CNTN3: variants seen among roughly 807,000 people sequenced by gnomAD.
The protein encoded by CNTN3 is contactin 3.
In CNTN3, 60 loss-of-function variants were observed where a neutral mutation model predicts 119.1. The ratio of observed to expected loss-of-function variants is 0.50; its 90% CI spans 0.41 to 0.62. CNTN3 has a LOEUF of 0.62. CNTN3 is among the 20% of genes least tolerant of loss of function. The pLI is 0.00. For synonymous variants in CNTN3, 450 were observed against 438.7 expected (o/e 1.03, Z -0.32); for missense variants, 1,101 against 1,242.4 (o/e 0.89, Z 1.71).
intron 22 of CNTN3, 104 bp downstream of exon 22, chr3:74,266,377 G>A (rs1701659896): frequency 3.3e-6 from 4 of 1,205,456 alleles, no homozygotes; most frequent in Non-Finnish European, 3.5e-6. Flanking sequence ...TTGGATGTAA[G>A]CCTTGCTGGA....
At chr3:74,480,292 T>A (rs1478979594) in intron 4 of CNTN3, among the ~76,000 whole-genome samples, 1 of 152,146 alleles carries the variant, frequency 6.6e-6, no homozygotes, top group East Asian at 1.9e-4. Flanking sequence ...CTGGGGACTC[T>A]ATCCAGTTGT....
At chr3:74,327,105 C>CTTTTTTTTTTTTTTTTTTTT (rs1491284899) in intron 13 of CNTN3, among the ~76,000 whole-genome samples, 70 of 90,704 alleles carry the variant, frequency 7.7e-4, no homozygotes, top group Non-Finnish European at 1.1e-3. Flanking sequence ...AAGGGTTAAT[C>CTTTTTTTTTTTTTTTTTTTT]CTTTTTTTTT....
At chr3:74,559,504 T>A (rs1324395452) in intron 1 of CNTN3, among the ~76,000 whole-genome samples, 1 of 151,950 alleles carries the variant, frequency 6.6e-6, no homozygotes, top group East Asian at 1.9e-4. Flanking sequence ...ACAGCCTACC[T>A]CTACCAGCAG....
At position 74,422,763 on chromosome 3, in the gene CNTN3, T is replaced by G. The variant is rs1440373662; in HGVS notation, c.454+2082A>C. Among the ~76,000 whole-genome samples the G allele has an allele frequency of 1.3e-5, 2 of 152,194 alleles. 1 individual carries two copies. Among genetic ancestry groups the G allele is most frequent in the East Asian group, 3.8e-4 (2 of 5,198 alleles). On this transcript the variant is annotated intron_variant, in intron 5 of 22. Coordinates refer to ENST00000263665, the MANE Select transcript of CNTN3 (RefSeq NM_020872.3). The stretch of plus-strand genomic sequence containing the variant: ...TTATGTTCATTTGAGACAATATAAA[T>G]TTAAATTATTTTGATACTTCCTTCC...
At chr3:74,510,534 G>A (rs1283627007) in intron 2 of CNTN3, among the ~76,000 whole-genome samples, 1 of 151,962 alleles carries the variant, frequency 6.6e-6, no homozygotes, top group African/African-American at 2.4e-5. Flanking sequence ...CTGAACTAAA[G>A]TCCCTTTTCT....
At chr3:74,379,701 C>A (rs76291021) in intron 5 of CNTN3, among the ~76,000 whole-genome samples, 1,878 of 152,234 alleles carry the variant, frequency 0.012, 34 homozygotes, top group African/African-American at 0.039. Context: ...ACCCTTCACT[C>A]CTTGCTCCAA....
At chr3:74,354,138 T>A (rs2106754856) in intron 11 of CNTN3, among the ~76,000 whole-genome samples, 1 of 152,294 alleles carries the variant, frequency 6.6e-6, no homozygotes, top group East Asian at 1.9e-4. Context: ...TTGCCTGGAT[T>A]ATAGTTATTC....
At chr3:74,451,127 C>T (rs991220328) in intron 4 of CNTN3, among the ~76,000 whole-genome samples, 17 of 152,074 alleles carry the variant, frequency 1.1e-4, no homozygotes, top group African/African-American at 4.1e-4. Context: ...TACAGTCCCA[C>T]CAACAGTGTC....
chr3:74,606,937 T>C (rs1361686857), intron 1 of CNTN3, among the ~76,000 whole-genome samples: 1 of 152,190 alleles, frequency 6.6e-6, no homozygotes, highest in Non-Finnish European at 1.5e-5. Flanking sequence ...TAGAAACATG[T>C]ATATCTCCAT....
intron 1 of CNTN3, among the ~76,000 whole-genome samples, chr3:74,556,808 T>C (rs940360758): frequency 2.6e-5 from 4 of 152,216 alleles, no homozygotes; most frequent in African/African-American, 9.6e-5. Context: ...TTTGTTATAT[T>C]TGTCCTTTTT....
At chr3:74,466,992 A>T (rs1702472998) in intron 4 of CNTN3, among the ~76,000 whole-genome samples, 1 of 152,178 alleles carries the variant, frequency 6.6e-6, no homozygotes, top group Non-Finnish European at 1.5e-5. Context: ...ACCAAATTAA[A>T]TAACCAAAGT....
intron 8 of CNTN3, among the ~76,000 whole-genome samples, chr3:74,367,973 T>G (rs991465931): frequency 1.3e-5 from 2 of 152,048 alleles, no homozygotes; most frequent in African/African-American, 4.8e-5. Context: ...GACAGCCACA[T>G]GGGTTAAGTG....
chr3:74,558,856 C>T (rs1232144650), intron 1 of CNTN3, among the ~76,000 whole-genome samples: 1 of 151,824 alleles, frequency 6.6e-6, no homozygotes, highest in Non-Finnish European at 1.5e-5. Context: ...TGATGGCATA[C>T]ACATGTAATC....
chr3:74,415,005 G>C (rs1049699886), intron 5 of CNTN3, among the ~76,000 whole-genome samples: 1 of 150,008 alleles, frequency 6.7e-6, no homozygotes, highest in South Asian at 2.1e-4. Flanking sequence ...AGAAAACATC[G>C]GTCAGGACTC....
intron 4 of CNTN3, among the ~76,000 whole-genome samples, chr3:74,432,016 A>G (rs1230961591): frequency 2.0e-5 from 3 of 152,210 alleles, no homozygotes; most frequent in Non-Finnish European, 4.4e-5. Flanking sequence ...AGGAACACAG[A>G]CACAGGCAAT....
chr3:74,336,222 TA>T (rs965678629), intron 12 of CNTN3, among the ~76,000 whole-genome samples: 4 of 152,058 alleles, frequency 2.6e-5, no homozygotes, highest in Non-Finnish European at 5.9e-5. Context: ...AAACAAAGTG[TA>T]TCCTAAAGAC....
chr3:74,541,801 C>T (rs9816608), intron 1 of CNTN3, among the ~76,000 whole-genome samples: 150,757 of 152,364 alleles, frequency 0.99, 74,594 homozygotes, highest in Middle Eastern at 1. Flanking sequence ...AAGAAAATAG[C>T]ATTTTTTTTC....
chr3:74,277,927 CA>C (rs1701914292), intron 20 of CNTN3, among the ~76,000 whole-genome samples: 1 of 151,562 alleles, frequency 6.6e-6, no homozygotes, highest in Non-Finnish European at 1.5e-5. Flanking sequence ...TTTCCAGATA[CA>C]AGATTAAGGT....
At chr3:74,345,462 A>T (rs1189238631) in intron 11 of CNTN3, among the ~76,000 whole-genome samples, 1 of 152,206 alleles carries the variant, frequency 6.6e-6, no homozygotes, top group African/African-American at 2.4e-5. Context: ...AAGGCTTCTA[A>T]AAACATACGT....
Sources: allele counts gnomAD v4.1 joint callset (sites outside exome capture counted in the v4.1 genomes callset), GRCh38; gene constraint gnomAD v4.1.1; transcripts MANE v1.5; gene names NCBI Gene and HGNC (gene_info 2026-07-23, HGNC 2026-07-21).